The following PON3 variants were observed in gnomAD, a reference collection of about 807,000 sequenced individuals.
PON3 encodes paraoxonase 3.
A neutral mutation model predicts 36.3 loss-of-function variants in PON3; 37 were observed. The observed-to-expected ratio is 1.02, with a 90% CI of 0.78 to 1.34. The LOEUF (loss-of-function observed/expected upper bound fraction) is 1.34. Among genes scored for constraint, PON3 ranks in the 40% most tolerant of loss-of-function variants. PON3 has a pLI of 0.00. For synonymous variants in PON3, 155 were observed against 154.8 expected (o/e 1.00, Z -0.01); for missense variants, 415 against 426.5 (o/e 0.97, Z 0.24).
chr7:95,379,654 G>A (rs1478529565), intron 3 of PON3, among the ~76,000 whole-genome samples: 1 of 152,226 alleles, frequency 6.6e-6, no homozygotes, highest in East Asian at 1.9e-4. Flanking sequence ...CGAGGCTGGG[G>A]GAGGGGCGCC....
At chr7:95,392,889 C>G (rs548058686) in intron 2 of PON3, among the ~76,000 whole-genome samples, 1 of 152,326 alleles carries the variant, frequency 6.6e-6, no homozygotes, top group Admixed American at 6.5e-5. Flanking sequence ...AGGTCCTGCT[C>G]CTCTCCCAGA....
At chr7:95,384,747 G>GTGGGACTGT (rs1270090034) in intron 3 of PON3, among the ~76,000 whole-genome samples, 2 of 152,186 alleles carry the variant, frequency 1.3e-5, no homozygotes, top group Non-Finnish European at 2.9e-5. Context: ...TACACTGCTG[G>GTGGGACTGT]TGGGACTGTA....
chr7:95,363,603 T>A, intron 6 of PON3: 2 of 506,944 alleles, frequency 3.9e-6, no homozygotes, highest in Non-Finnish European at 7.1e-6. Context: ...AAAGTGTGTT[T>A]CAAGAGTTAT....
chr7:95,390,377 T>G lies in PON3; in HGVS notation c.146-168A>C, dbSNP rs560183834. Among the ~76,000 whole-genome samples the G allele has an allele frequency of 9.2e-5, 14 of 152,348 alleles. 1 individual carries two copies. The South Asian group carries it at 2.9e-3, about 32-fold the overall frequency. ...ACTTTGGAGAATCTCACAGGCATGCTACTCTATAGTAAAGCTTGAGTCAGA... is the reference window on the plus strand; with the variant it reads ...ACTTTGGAGAATCTCACAGGCATGCGACTCTATAGTAAAGCTTGAGTCAGA... On this transcript the variant is annotated intron_variant, in intron 2 of 8. Coordinates refer to ENST00000265627, the MANE Select transcript of PON3 (RefSeq NM_000940.3).
intron 1 of PON3, 71 bp from the exon 2 acceptor site, chr7:95,394,785 C>T (rs1423600487): frequency 8.3e-7 from 1 of 1,202,602 alleles, no homozygotes; most frequent in South Asian, 1.2e-5. Context: ...ATGTGGACTT[C>T]AATCATCTTC....
intron 8 of PON3, among the ~76,000 whole-genome samples, chr7:95,361,172 G>A (rs1334634846): frequency 6.6e-6 from 1 of 152,050 alleles, no homozygotes; most frequent in African/African-American, 2.4e-5. Context: ...CTAGTTTAGG[G>A]TAACAATTCT....
chr7:95,368,318 G>A (rs1235704858), intron 4 of PON3, among the ~76,000 whole-genome samples: 1 of 152,250 alleles, frequency 6.6e-6, no homozygotes, highest in East Asian at 1.9e-4. Flanking sequence ...GATGGAACAA[G>A]CCCAAACCCT....
chr7:95,382,354 G>T (rs1020863919), intron 3 of PON3, among the ~76,000 whole-genome samples: 2 of 152,116 alleles, frequency 1.3e-5, no homozygotes, highest in Admixed American at 6.5e-5. Flanking sequence ...ACTAAGATCA[G>T]AGCAGAACTG....
intron 3 of PON3, among the ~76,000 whole-genome samples, chr7:95,385,699 C>G (rs973621331): frequency 6.6e-6 from 1 of 152,072 alleles, no homozygotes; most frequent in African/African-American, 2.4e-5. Flanking sequence ...TGCAAAAGAA[C>G]AGAAATCACA....
intron 3 of PON3, among the ~76,000 whole-genome samples, chr7:95,381,032 G>A (rs1809040644): frequency 6.6e-6 from 1 of 152,098 alleles, no homozygotes; most frequent in South Asian, 2.1e-4. Flanking sequence ...GCCAGAAGAG[G>A]GTGGGGGCCA....
At chr7:95,382,712 T>G (rs1421805307) in intron 3 of PON3, among the ~76,000 whole-genome samples, 1 of 152,150 alleles carries the variant, frequency 6.6e-6, no homozygotes, top group South Asian at 2.1e-4. Flanking sequence ...CAATAATTAA[T>G]AGCTTACCAA....
intron 3 of PON3, among the ~76,000 whole-genome samples, chr7:95,378,628 C>A (rs1308234872): frequency 2.0e-5 from 3 of 152,170 alleles, no homozygotes; most frequent in Non-Finnish European, 4.4e-5. Flanking sequence ...GAATTTTCAA[C>A]CCAGAATTTC....
chr7:95,372,123 G>A (rs1162411140), intron 4 of PON3, 50 bp downstream of exon 4: 3 of 1,555,186 alleles, frequency 1.9e-6, no homozygotes, highest in South Asian at 1.1e-5. Context: ...GGAGATAAAT[G>A]GTTTCTATTT....
At chr7:95,386,120 A>G (rs1297824901) in intron 3 of PON3, among the ~76,000 whole-genome samples, 1 of 152,218 alleles carries the variant, frequency 6.6e-6, no homozygotes, top group Non-Finnish European at 1.5e-5. Flanking sequence ...AAGGCAATAA[A>G]AAACTAAGAT....
At chr7:95,394,407 T>A (rs978809841) in intron 2 of PON3, among the ~76,000 whole-genome samples, 4 of 152,120 alleles carry the variant, frequency 2.6e-5, no homozygotes, top group Non-Finnish European at 4.4e-5. Context: ...GAGTGGTCAA[T>A]GACATTCTTT....
At chr7:95,371,987 A>G (rs980474930) in intron 4 of PON3, among the ~76,000 whole-genome samples, 186 bp downstream of exon 4, 2 of 152,128 alleles carry the variant, frequency 1.3e-5, no homozygotes, top group Admixed American at 6.5e-5. Flanking sequence ...TAGGGCCAAA[A>G]ATACTAGTGT....
intron 5 of PON3, 74 bp from the exon 6 acceptor site, chr7:95,364,137 A>T (rs1808640362): frequency 1.7e-6 from 2 of 1,150,724 alleles, no homozygotes; most frequent in Non-Finnish European, 2.6e-6. Context: ...AAAATCACTC[A>T]TCTCTACATA....
intron 3 of PON3, among the ~76,000 whole-genome samples, chr7:95,384,894 A>C (rs1406217237): frequency 1.3e-5 from 2 of 152,322 alleles, no homozygotes; most frequent in African/African-American, 4.8e-5. Flanking sequence ...CTATAAAGAC[A>C]CATGCACACG....
At chr7:95,374,139 TCCCTGGTGCC>T (rs1275712310) in intron 3 of PON3, among the ~76,000 whole-genome samples, 1 of 152,140 alleles carries the variant, frequency 6.6e-6, no homozygotes, top group Non-Finnish European at 1.5e-5. Context: ...ACGAAACTGG[TCCCTGGTGCC>T]CAAAATGCTG....
Sources: gnomAD v4.1 joint callset for allele counts (sites outside exome capture counted in the v4.1 genomes callset) on GRCh38, gnomAD v4.1.1 for gene constraint, MANE v1.5 for transcripts, NCBI Gene and HGNC (gene_info 2026-07-23, HGNC 2026-07-21) for gene names.